The following LSP1 variants were observed in gnomAD, a reference collection of about 807,000 sequenced individuals.
LSP1 encodes lymphocyte specific protein 1, also known as lymphocyte-specific protein 1.
A neutral mutation model predicts 49.3 loss-of-function variants in LSP1; 32 were observed. That is an observed-to-expected ratio of 0.65 (90% CI 0.49 to 0.87). The LOEUF is 0.87. Ranked by LOEUF, LSP1 falls within the 40% of genes least tolerant of loss-of-function variation. The probability of loss-of-function intolerance (pLI) is 0.00; values close to 1 mark genes in which losing one functional copy is unlikely to be tolerated. For synonymous variants in LSP1, 179 were observed against 178.8 expected (o/e 1.00, Z -0.01); for missense variants, 428 against 442.6 (o/e 0.97, Z 0.30).
At chr11:1,883,811 C>A in intron 4 of LSP1, 121 bp from the exon 5 acceptor site, 1 of 1,017,722 alleles carries the variant, frequency 9.8e-7, no homozygotes, top group Non-Finnish European at 1.5e-6. Flanking sequence ...AACTGGAGCA[C>A]GTCAGGGCCA....
At chr11:1,872,438 G>A (rs560887895) in intron 1 of LSP1, among the ~76,000 whole-genome samples, 99 of 118,526 alleles carry the variant, frequency 8.4e-4, no homozygotes, top group Middle Eastern at 0.017. Context: ...TCATCCTGGT[G>A]CGTGCTGGTA....
chr11:1,884,356 C>A lies in LSP1; in HGVS notation c.635+33C>A. 34 of 1,613,856 alleles carry A rather than the reference C, an allele frequency of 2.1e-5. No homozygotes were observed. Among genetic ancestry groups the A allele is most frequent in the Non-Finnish European group, 2.9e-5 (34 of 1,179,862 alleles). On this transcript the variant is annotated intron_variant, in intron 6 of 10. Coordinates refer to ENST00000311604, the MANE Select transcript of LSP1 (RefSeq NM_002339.3). This position sits in a 1 kb window ranked among gnomAD's most constrained non-coding sequence, Gnocchi z 4.1. ...TGTCTGTCTGTCTGCTTTCTGGGCT[C>A]AGATCTTAGGTTTAACCAAGTGGGG...
At chr11:1,882,609 G>A (rs1848590692) in intron 3 of LSP1, among the ~76,000 whole-genome samples, 1 of 152,042 alleles carries the variant, frequency 6.6e-6, no homozygotes, top group South Asian at 2.1e-4. Flanking sequence ...GGGCGAGGCT[G>A]CTCCCACCAG....
At chr11:1,866,786 A>G in intron 1 of LSP1, 1 of 1,550,376 alleles carries the variant, frequency 6.5e-7, no homozygotes, top group Non-Finnish European at 8.7e-7. Flanking sequence ...GGCCCAAGAG[A>G]AGGAAGTGCA....
intron 1 of LSP1, among the ~76,000 whole-genome samples, chr11:1,858,609 G>C (rs557805714): frequency 6.6e-6 from 1 of 152,218 alleles, no homozygotes; most frequent in Non-Finnish European, 1.5e-5. Flanking sequence ...GGCTGTGGAC[G>C]AGGCTGTATT....
rs370667287 is a variant in LSP1 at position 1,873,844 on chromosome 11, G to A, written c.54-6243G>A. ...GGAGGGAGGCCGGCAGAGGAGGGAG[G>A]CCGGCAGAGGAGGGAGGCTGGCAGA... is the stretch of plus-strand genomic sequence containing the variant. On this transcript the variant is annotated intron_variant, in intron 1 of 10. Coordinates refer to ENST00000311604, the MANE Select transcript of LSP1 (RefSeq NM_002339.3). Among the ~76,000 whole-genome samples the A allele has an allele frequency of 6.1e-5, 7 of 114,784 alleles. No individual in the cohort carries two copies. In the East Asian group the frequency reaches 1.6e-3, roughly 27 times the overall value. 75.3% of individuals were successfully genotyped at this position (114,784 alleles called of 152,430 possible).
Position 1,866,690 on chromosome 11 carries a change from T to A in LSP1, c.54-13397T>A, listed in dbSNP as rs1330209008. 10 of 1,550,562 alleles carry A rather than the reference T, an allele frequency of 6.4e-6. No homozygotes were observed. In the Admixed American group the frequency reaches 2.0e-4, roughly 30 times the overall value. ...GGGAATGTGTTTTCCCAGGGGACGC[T>A]GCTGTCCACCAGGAGCTCTGTGGCC... On this transcript the variant is annotated intron_variant, in intron 1 of 10. Transcript: ENST00000311604.
intron 3 of LSP1, among the ~76,000 whole-genome samples, chr11:1,882,341 C>G (rs1228191803): frequency 6.6e-6 from 1 of 152,150 alleles, no homozygotes; most frequent in African/African-American, 2.4e-5. Context: ...GCTGACAGTT[C>G]TCCCTGGTCA....
chr11:1,859,846 C>T (rs1260726474), intron 1 of LSP1, among the ~76,000 whole-genome samples: 3 of 152,162 alleles, frequency 2.0e-5, no homozygotes, highest in African/African-American at 4.8e-5. Context: ...TGGAGGCTGC[C>T]TCCTCTTTAA....
intron 1 of LSP1, 107 bp downstream of exon 1, chr11:1,853,304 GC>G (rs1847407053): frequency 2.4e-6 from 3 of 1,246,078 alleles, no homozygotes; most frequent in African/African-American, 1.5e-5. Flanking sequence ...GGAATCTGGG[GC>G]CCCCAATGGG....
chr11:1,880,655 C>T (rs1848501832), intron 2 of LSP1: 1 of 164,138 alleles, frequency 6.1e-6, no homozygotes, highest in Non-Finnish European at 1.3e-5. Flanking sequence ...TGCTTCCCTT[C>T]CTTCTGGCCT....
chr11:1,883,614 T>G, intron 4 of LSP1, 54 bp downstream of exon 4: 2 of 1,547,824 alleles, frequency 1.3e-6, no homozygotes, highest in South Asian at 2.3e-5. Flanking sequence ...GGGATGAGTC[T>G]GCCTTGGCTG....
In LSP1 at chr11:1,890,622, A is replaced by G. The variant is rs1589836998; in HGVS notation, c.*14-1151A>G. The G allele has an allele frequency of 8.7e-6, 6 of 687,338 alleles. No individual in the cohort carries two copies. The East Asian group carries it at 1.6e-4, about 19-fold the overall frequency. 42.6% of individuals were successfully genotyped at this position (687,338 alleles called of 1,614,324 possible). On this transcript the variant is annotated intron_variant, in intron 10 of 10. Transcript: ENST00000311604. Reference sequence around the variant, plus strand: ...GGGTGGGAGGGACAGTGGTCAGGCCAGCCCTCCTCCCTCCTGAGGTGGGAG... The same window carrying G: ...GGGTGGGAGGGACAGTGGTCAGGCCGGCCCTCCTCCCTCCTGAGGTGGGAG...
At chr11:1,859,619 C>T (rs370451732) in intron 1 of LSP1, 13 of 154,066 alleles carry the variant, frequency 8.4e-5, no homozygotes, top group African/African-American at 2.9e-4. Context: ...TAGCCTTTCT[C>T]TTAGACCCAG....
At chr11:1,871,993 C>A (rs568202785) in intron 1 of LSP1, among the ~76,000 whole-genome samples, 8 of 144,814 alleles carry the variant, frequency 5.5e-5, no homozygotes, top group African/African-American at 2.1e-4. Context: ...TGGGGTCTGT[C>A]TGGCTGGTGT....
At chr11:1,873,063 GTGGAGGCAGGGAGAGA>G (rs1355365380) in intron 1 of LSP1, among the ~76,000 whole-genome samples, 1 of 151,986 alleles carries the variant, frequency 6.6e-6, no homozygotes, top group African/African-American at 2.4e-5. Flanking sequence ...CTCCCCAGAG[GTGGAGGCAGGGAGAGA>G]TGGAGGCAGG....
intron 10 of LSP1, chr11:1,889,392 G>C (rs1437203815): frequency 5.7e-6 from 4 of 696,490 alleles, no homozygotes; most frequent in Non-Finnish European, 1.1e-5. Context: ...CCACATCCTG[G>C]AGGTCCGGGA....
Position 1,881,452 on chromosome 11 carries a change from A to G in LSP1, c.212A>G (p.Glu71Gly). 6.3e-7 allele frequency: 1 copy of G among 1,577,604 alleles called. No individual in the cohort carries two copies. The highest frequency in any genetic ancestry group is 1.2e-5 in the South Asian group (1 of 86,122). ...CTCAGCCTCAGCCTGAAGCCCTCGG[A>G]GGCCCCTGAACTGGATGAGGACGAG... ...QEMLLSLKPS[E>G]APELDEDEGF... The change falls in exon 3 of 11, where the codon GAG (glutamate) becomes GGG (glycine). Residue 71 changes from glutamate (E) to glycine (G), a missense_variant. Transcript: ENST00000311604.
intron 1 of LSP1, among the ~76,000 whole-genome samples, chr11:1,854,326 T>A (rs1231546434): frequency 4.6e-5 from 7 of 152,122 alleles, no homozygotes; most frequent in African/African-American, 1.7e-4. Flanking sequence ...ACCCCAAAAC[T>A]GCAGCCAGGG....
Sources: allele counts gnomAD v4.1 joint callset (sites outside exome capture counted in the v4.1 genomes callset), GRCh38; gene constraint gnomAD v4.1.1; non-coding constraint Gnocchi (gnomAD v3.1); transcripts MANE v1.5; gene names NCBI Gene and HGNC (gene_info 2026-07-23, HGNC 2026-07-21).